The following OPCML variants were observed in gnomAD, a reference collection of about 807,000 sequenced individuals.
OPCML encodes the protein opioid binding protein/cell adhesion molecule like, also known as opioid-binding protein/cell adhesion molecule.
OPCML carries 13 observed loss-of-function variants against 37.8 expected under a neutral mutation model. The ratio of observed to expected loss-of-function variants is 0.34; its 90% CI spans 0.22 to 0.55. The LOEUF is 0.55. Ranked by LOEUF, OPCML falls within the 20% of genes least tolerant of loss-of-function variation. OPCML has a pLI of 0.91. For synonymous variants in OPCML, 176 were observed against 168.8 expected (o/e 1.04, Z -0.33); for missense variants, 341 against 435.6 (o/e 0.78, Z 1.93).
Position 133,410,634 on chromosome 11 carries a change from T to TAAAAAAAAAAAAAAAAAA in OPCML, c.61+121612_61+121629dup, listed in dbSNP as rs71038527. Among the ~76,000 whole-genome samples the TAAAAAAAAAAAAAAAAAA allele has an allele frequency of 8.5e-5, 4 of 47,010 alleles. 1 individual carries two copies. Among genetic ancestry groups the TAAAAAAAAAAAAAAAAAA allele is most frequent in the Non-Finnish European group, 1.3e-4 (3 of 22,816 alleles). 30.8% of individuals were successfully genotyped at this position (47,010 alleles called of 152,430 possible). ...TGAAAGCACACGTTAAGAAAAAAAG[T>TAAAAAAAAAAAAAAAAAA]AAAAAAAAAAAAAAAAAAAAAAAAA... On this transcript the variant is annotated intron_variant, in intron 1 of 7. Transcript: ENST00000524381.
At chr11:133,338,324 C>T (rs374911922) in intron 1 of OPCML, among the ~76,000 whole-genome samples, 3 of 152,272 alleles carry the variant, frequency 2.0e-5, no homozygotes, top group African/African-American at 7.2e-5. Context: ...ATCCTGGGCC[C>T]TGGTGACTGA....
intron 7 of OPCML, among the ~76,000 whole-genome samples, chr11:132,435,610 G>C (rs568718049): frequency 2.6e-5 from 4 of 152,180 alleles, no homozygotes; most frequent in Non-Finnish European, 5.9e-5. Flanking sequence ...GTTGTGGATA[G>C]AGCAGCCACC....
chr11:133,345,051 C>T (rs77654749), intron 1 of OPCML, among the ~76,000 whole-genome samples: 11 of 152,256 alleles, frequency 7.2e-5, no homozygotes, highest in East Asian at 3.9e-4. Context: ...AAATCAATCC[C>T]GACCATCACA....
At chr11:133,476,709 G>A (rs1245725601) in intron 1 of OPCML, among the ~76,000 whole-genome samples, 3 of 152,176 alleles carry the variant, frequency 2.0e-5, no homozygotes, top group Admixed American at 6.5e-5. Context: ...TCCTGGTGAT[G>A]ATTAATACCA....
intron 3 of OPCML, among the ~76,000 whole-genome samples, chr11:132,585,459 A>G (rs914184621): frequency 6.6e-6 from 1 of 152,042 alleles, no homozygotes; most frequent in Non-Finnish European, 1.5e-5. Flanking sequence ...TTTCAGTTTG[A>G]TTACTTGACA....
intron 1 of OPCML, among the ~76,000 whole-genome samples, chr11:133,052,954 TTAA>T (rs1948158577): frequency 6.6e-6 from 1 of 152,226 alleles, no homozygotes; most frequent in Non-Finnish European, 1.5e-5. Context: ...GATATCTGAA[TTAA>T]ACCTCCCTCA....
chr11:132,874,420 C>CCCTT (rs1555201550), intron 2 of OPCML, among the ~76,000 whole-genome samples: 99 of 144,212 alleles, frequency 6.9e-4, no homozygotes, highest in Admixed American at 1.4e-3. Context: ...CTCCCTCCCT[C>CCCTT]CCTTCCTTCC....
At chr11:133,045,789 T>C (rs985464479) in intron 1 of OPCML, among the ~76,000 whole-genome samples, 2 of 152,228 alleles carry the variant, frequency 1.3e-5, no homozygotes, top group Non-Finnish European at 2.9e-5. Flanking sequence ...TGTGCAAGAC[T>C]GCCTACTGGT....
intron 4 of OPCML, among the ~76,000 whole-genome samples, chr11:132,479,320 C>A (rs1187398428): frequency 6.6e-6 from 1 of 152,048 alleles, no homozygotes; most frequent in Non-Finnish European, 1.5e-5. Flanking sequence ...TTCCGACGGG[C>A]TTAAAAAACG....
intron 3 of OPCML, among the ~76,000 whole-genome samples, chr11:132,648,507 A>G (rs377461211): frequency 6.7e-6 from 1 of 149,782 alleles, no homozygotes; most frequent in Admixed American, 6.6e-5. Context: ...CCAGGCCCTG[A>G]CACTTCTCTC....
intron 1 of OPCML, chr11:133,298,250 A>C (rs1031001808): frequency 1.3e-5 from 2 of 152,196 alleles, no homozygotes; most frequent in African/African-American, 4.8e-5. Context: ...GTATAAAGAT[A>C]GCCAAGAAGA....
chr11:133,030,870 T>A (rs1403980783), intron 1 of OPCML, among the ~76,000 whole-genome samples: 3 of 151,300 alleles, frequency 2.0e-5, no homozygotes, highest in Non-Finnish European at 4.4e-5. Context: ...CTTTGCACTG[T>A]GCTCAGAGTT....
chr11:133,179,019 C>G (rs915790492), intron 1 of OPCML, among the ~76,000 whole-genome samples: 5 of 152,126 alleles, frequency 3.3e-5, no homozygotes, highest in African/African-American at 1.2e-4. Flanking sequence ...CTGGCTATTC[C>G]CCCTCCCCCA....
intron 2 of OPCML, among the ~76,000 whole-genome samples, chr11:132,837,013 T>A (rs1331638185): frequency 6.6e-6 from 1 of 151,996 alleles, no homozygotes; most frequent in East Asian, 1.9e-4. Context: ...GTGGAAGTGT[T>A]TAAAACAGTA....
At chr11:133,285,095 G>A (rs1942261523) in intron 1 of OPCML, among the ~76,000 whole-genome samples, 1 of 152,174 alleles carries the variant, frequency 6.6e-6, no homozygotes, top group African/African-American at 2.4e-5. Flanking sequence ...ACCTCATGAG[G>A]AAGGGAAATA....
chr11:132,489,075 A>C (rs1228043921), intron 4 of OPCML, among the ~76,000 whole-genome samples: 1 of 152,234 alleles, frequency 6.6e-6, no homozygotes, highest in African/African-American at 2.4e-5. Flanking sequence ...ATACAGCTGT[A>C]CAAAAACATT....
chr11:133,304,400 C>T (rs182362945), intron 1 of OPCML, among the ~76,000 whole-genome samples: 9 of 152,286 alleles, frequency 5.9e-5, no homozygotes, highest in African/African-American at 1.9e-4. Flanking sequence ...AAACAGCAGA[C>T]ACTATGCTAA....
intron 1 of OPCML, among the ~76,000 whole-genome samples, chr11:133,015,781 C>T (rs1275240091): frequency 1.3e-5 from 2 of 152,314 alleles, no homozygotes; most frequent in South Asian, 2.1e-4. Flanking sequence ...ATCTTGGCTC[C>T]TCTTCCCCAC....
intron 1 of OPCML, among the ~76,000 whole-genome samples, chr11:133,028,682 C>T (rs1947610329): frequency 6.6e-6 from 1 of 151,804 alleles, no homozygotes; most frequent in Admixed American, 6.6e-5. Flanking sequence ...GGACCCCTAC[C>T]TCTCACCATA....
Sources: gnomAD v4.1 joint callset for allele counts (sites outside exome capture counted in the v4.1 genomes callset) on GRCh38, gnomAD v4.1.1 for gene constraint, MANE v1.5 for transcripts, NCBI Gene and HGNC (gene_info 2026-07-23, HGNC 2026-07-21) for gene names.